NPEPPS: variants seen among roughly 807,000 people sequenced by gnomAD.
NPEPPS encodes the protein puromycin-sensitive aminopeptidase.
NPEPPS carries 14 observed loss-of-function variants against 115.5 expected under a neutral mutation model. That is an observed-to-expected ratio of 0.12 (90% CI 0.08 to 0.19). NPEPPS has a LOEUF of 0.19. NPEPPS is among the 10% of genes least tolerant of loss of function. NPEPPS has a pLI of 1.00. For synonymous variants in NPEPPS, 285 were observed against 390.6 expected (o/e 0.73, Z 3.19); for missense variants, 523 against 1,110.8 (o/e 0.47, Z 7.52).
intron 2 of NPEPPS, among the ~76,000 whole-genome samples, chr17:47,553,634 A>G (rs1909799142): frequency 6.6e-6 from 1 of 152,222 alleles, no homozygotes; most frequent in South Asian, 2.1e-4. Flanking sequence ...ATACATATGT[A>G]CTATGATAAA....
At chr17:47,526,037 C>T (rs537133257) in intron 1 of NPEPPS, among the ~76,000 whole-genome samples, 57 of 152,118 alleles carry the variant, frequency 3.7e-4, no homozygotes, top group African/African-American at 1.3e-3. Context: ...ATGGAGAAAC[C>T]CCATCTCTAC....
chr17:47,537,975 C>T (rs887381190), intron 1 of NPEPPS, among the ~76,000 whole-genome samples: 1 of 150,574 alleles, frequency 6.6e-6, no homozygotes, highest in African/African-American at 2.4e-5. Flanking sequence ...CTCACTGCAA[C>T]CTCCGCCTCC....
chr17:47,585,080 G>A (rs943134921), intron 5 of NPEPPS, among the ~76,000 whole-genome samples: 9 of 152,298 alleles, frequency 5.9e-5, no homozygotes, highest in Admixed American at 4.6e-4. Context: ...GCCTGCCTAA[G>A]CCTCCCAAAG....
intron 18 of NPEPPS, 57 bp downstream of exon 18, chr17:47,612,659 G>A (rs1913944800): frequency 7.0e-7 from 1 of 1,420,340 alleles, no homozygotes; most frequent in African/African-American, 1.5e-5. Context: ...TGTGAAGCAT[G>A]GAACTTTTTT....
At chr17:47,578,256 A>G (rs977162062) in intron 3 of NPEPPS, among the ~76,000 whole-genome samples, 18 of 151,916 alleles carry the variant, frequency 1.2e-4, no homozygotes, top group Admixed American at 1.1e-3. Flanking sequence ...GTCAAATGTC[A>G]TTGCTCTTTA....
At chr17:47,593,772 A>C (rs1912660356) in intron 12 of NPEPPS, among the ~76,000 whole-genome samples, 1 of 152,242 alleles carries the variant, frequency 6.6e-6, no homozygotes. Context: ...ACAGCATGTT[A>C]CTGTACTGAA....
chr17:47,602,051 C>T, intron 15 of NPEPPS: 1 of 278,314 alleles, frequency 3.6e-6, no homozygotes, highest in Non-Finnish European at 6.8e-6. Flanking sequence ...ACTCCCCTGT[C>T]ATTGTAATGA....
chr17:47,592,441 C>G, intron 11 of NPEPPS, 44 bp from the exon 12 acceptor site: 3 of 1,535,098 alleles, frequency 2.0e-6, no homozygotes, highest in Non-Finnish European at 2.6e-6. Context: ...ACTATAAATT[C>G]TGAGATCTGA....
At chr17:47,621,745 C>CAT in intron 22 of NPEPPS, 23 bp from the exon 23 acceptor site, 1 of 1,584,992 alleles carries the variant, frequency 6.3e-7, no homozygotes, top group East Asian at 2.3e-5. Flanking sequence ...AATGATCCTG[C>CAT]ATTCTGGGTT....
In NPEPPS at chr17:47,621,789, G is replaced by A; in HGVS notation, c.2629G>A (p.Ala877Thr). The A allele has an allele frequency of 1.9e-6, 3 of 1,611,546 alleles. No homozygotes were observed. The highest frequency in any genetic ancestry group is 2.5e-6 in the Non-Finnish European group (3 of 1,178,022). Reference protein sequence around the residue: ...EVKAFFESHPAPSAERTIQQC... With the variant: ...EVKAFFESHPTPSAERTIQQC... ...CCAGGCTTTCTTCGAGAGTCACCCAGCTCCTTCAGCTGAGCGTACCATCCA... is the reference window on the plus strand; with the variant it reads ...CCAGGCTTTCTTCGAGAGTCACCCAACTCCTTCAGCTGAGCGTACCATCCA... Residue 877 changes from alanine (A) to threonine (T), a missense_variant, in exon 23 of 23, where the codon GCT becomes ACT. Coordinates refer to ENST00000322157, the MANE Select transcript of NPEPPS (RefSeq NM_006310.4).
intron 13 of NPEPPS, among the ~76,000 whole-genome samples, chr17:47,598,261 T>C (rs1912994180): frequency 6.6e-6 from 1 of 151,514 alleles, no homozygotes; most frequent in Non-Finnish European, 1.5e-5. Context: ...TTGCTTGAGC[T>C]CAGGAGTTCA....
chr17:47,537,387 T>TA (rs1388537151), intron 1 of NPEPPS, among the ~76,000 whole-genome samples: 1 of 152,008 alleles, frequency 6.6e-6, no homozygotes, highest in Admixed American at 6.6e-5. Context: ...TTGAGGCCCT[T>TA]AGACATTTTT....
intron 2 of NPEPPS, among the ~76,000 whole-genome samples, chr17:47,565,897 C>CAGAT (rs1168675392): frequency 6.6e-6 from 1 of 152,114 alleles, no homozygotes; most frequent in Non-Finnish European, 1.5e-5. Context: ...ACTTTGCAAT[C>CAGAT]AGATGCAGAC....
chr17:47,569,162 G>A (rs531220579), intron 2 of NPEPPS, among the ~76,000 whole-genome samples: 24 of 151,976 alleles, frequency 1.6e-4, no homozygotes, highest in African/African-American at 5.3e-4. Context: ...CATTTATAAA[G>A]CCTTCTTTCC....
rs560649775 is a variant in NPEPPS at position 47,553,404 on chromosome 17, T to G, written c.340+7411T>G. On this transcript the variant is annotated intron_variant, in intron 2 of 22. Coordinates refer to ENST00000322157, the MANE Select transcript of NPEPPS (RefSeq NM_006310.4). Reference sequence around the variant, plus strand: ...AAAAAGATCCAGTAATTATGATTCATTCTTTTTCATTTGTGGTTTTCCCTG... The same window carrying G: ...AAAAAGATCCAGTAATTATGATTCAGTCTTTTTCATTTGTGGTTTTCCCTG... Among the ~76,000 whole-genome samples the G allele has an allele frequency of 5.8e-3, 888 of 152,088 alleles. 5 individuals carry two copies. The highest frequency in any genetic ancestry group is 0.017 in the African/African-American group (713 of 41,506).
At chr17:47,549,092 C>A (rs1343243132) in intron 2 of NPEPPS, among the ~76,000 whole-genome samples, 2 of 151,960 alleles carry the variant, frequency 1.3e-5, no homozygotes, top group Non-Finnish European at 2.9e-5. Context: ...TGCCTGTAAT[C>A]CCAGCACTTT....
chr17:47,539,214 T>C (rs1269496504), intron 1 of NPEPPS, among the ~76,000 whole-genome samples: 4 of 151,516 alleles, frequency 2.6e-5, no homozygotes, highest in African/African-American at 9.7e-5. Context: ...GTGAAGCTTC[T>C]CCGAACTTTG....
intron 1 of NPEPPS, among the ~76,000 whole-genome samples, chr17:47,534,315 G>A (rs1417436803): frequency 6.6e-6 from 1 of 151,944 alleles, no homozygotes; most frequent in Non-Finnish European, 1.5e-5. Flanking sequence ...TCCTGACCTC[G>A]TGATCTGCCC....
chr17:47,542,735 G>T (rs1209701279), intron 1 of NPEPPS, among the ~76,000 whole-genome samples: 1 of 152,110 alleles, frequency 6.6e-6, no homozygotes, highest in Non-Finnish European at 1.5e-5. Flanking sequence ...TAGGGCATCT[G>T]TGTTTTTGTT....
Sources: gnomAD v4.1 joint callset for allele counts (sites outside exome capture counted in the v4.1 genomes callset) on GRCh38, gnomAD v4.1.1 for gene constraint, MANE v1.5 for transcripts, NCBI Gene and HGNC (gene_info 2026-07-23, HGNC 2026-07-21) for gene names.